The following COBL variants were observed in gnomAD, a reference collection of about 807,000 sequenced individuals.
COBL encodes cordon-bleu WH2 repeat protein.
In COBL, 51 loss-of-function variants were observed where a neutral mutation model predicts 98.8. The ratio of observed to expected loss-of-function variants is 0.52; its 90% CI spans 0.41 to 0.65. The LOEUF (loss-of-function observed/expected upper bound fraction) is 0.65, where lower values mean the gene tolerates loss of function less well. Ranked by LOEUF, COBL falls within the 30% of genes least tolerant of loss-of-function variation. COBL has a pLI of 0.00. For synonymous variants in COBL, 634 were observed against 651.7 expected (o/e 0.97, Z 0.41); for missense variants, 1,617 against 1,617.5 (o/e 1.00, Z 0.01).
At chr7:51,041,951 C>A (rs1403478527) in intron 8 of COBL, among the ~76,000 whole-genome samples, 10 of 152,144 alleles carry the variant, frequency 6.6e-5, no homozygotes, top group Admixed American at 3.9e-4. Flanking sequence ...TGGACAAATA[C>A]ACCAGTGCTA....
chr7:51,288,222 T>A (rs981656295), intron 1 of COBL, among the ~76,000 whole-genome samples: 13 of 151,492 alleles, frequency 8.6e-5, no homozygotes, highest in African/African-American at 3.2e-4. Flanking sequence ...TCACCTGAGT[T>A]CAGGAGTTCG....
intron 7 of COBL, among the ~76,000 whole-genome samples, chr7:51,070,425 A>ACACACACACACACAC (rs57774327): frequency 1.1e-4 from 17 of 151,844 alleles, no homozygotes; most frequent in South Asian, 2.1e-4. Flanking sequence ...ACACACACAC[A>ACACACACACACACAC]AAATTCCGAG....
At chr7:51,104,076 G>A (rs574052865) in intron 6 of COBL, among the ~76,000 whole-genome samples, 3 of 152,246 alleles carry the variant, frequency 2.0e-5, no homozygotes, top group African/African-American at 7.2e-5. Flanking sequence ...ATTCATTCTA[G>A]AAAGAGTTCC....
intron 7 of COBL, among the ~76,000 whole-genome samples, chr7:51,069,643 T>G (rs969027086): frequency 1.3e-5 from 2 of 152,260 alleles, no homozygotes; most frequent in Non-Finnish European, 2.9e-5. Context: ...GATGTGTGTG[T>G]GGGCTAGACA....
chr7:51,189,487 A>G (rs1388855103), intron 4 of COBL, among the ~76,000 whole-genome samples: 6 of 152,132 alleles, frequency 3.9e-5, no homozygotes, highest in Admixed American at 2.0e-4. Flanking sequence ...CACAAAAATT[A>G]GCCGGGCATG....
intron 1 of COBL, among the ~76,000 whole-genome samples, chr7:51,244,763 T>C (rs1796137399): frequency 6.6e-6 from 1 of 152,114 alleles, no homozygotes; most frequent in African/African-American, 2.4e-5. Flanking sequence ...CTCAGCCCCA[T>C]TATATCATTG....
chr7:51,169,357 C>T (rs1787635929), intron 5 of COBL, among the ~76,000 whole-genome samples: 1 of 152,152 alleles, frequency 6.6e-6, no homozygotes. Flanking sequence ...TGTATAAAAG[C>T]AAGCTGTACC....
intron 12 of COBL, chr7:51,021,107 G>C (rs994323609): frequency 2.0e-5 from 3 of 152,170 alleles, no homozygotes; most frequent in Non-Finnish European, 4.4e-5. Context: ...GCACTGCCTT[G>C]CTGGGAAAGC....
intron 5 of COBL, among the ~76,000 whole-genome samples, chr7:51,177,747 T>C (rs1255161556): frequency 6.6e-6 from 1 of 150,752 alleles, no homozygotes; most frequent in Non-Finnish European, 1.5e-5. Context: ...CACTCCAGTC[T>C]GGGCGACAGA....
In COBL at chr7:51,184,147, T is replaced by C. The variant is rs1789260715; in HGVS notation, c.738A>G (p.Lys246=). The C allele has an allele frequency of 6.4e-7, 1 of 1,570,858 alleles. No individual in the cohort carries two copies. The highest frequency in any genetic ancestry group is 8.7e-7 in the Non-Finnish European group (1 of 1,155,498). ...LGNDETDKEK[K]KFLGFFKVNK... ...TAACTTTGAAAAATCCCAGAAATTTTTTCTTCTCTTTATCTGTCTCATCAT... is the reference window on the plus strand; with the variant it reads ...TAACTTTGAAAAATCCCAGAAATTTCTTCTTCTCTTTATCTGTCTCATCAT... The change falls in exon 5 of 13, where the codon AAA becomes AAG. Residue 246 remains lysine (K), a synonymous_variant. Coordinates refer to ENST00000265136, the MANE Select transcript of COBL (RefSeq NM_015198.5).
chr7:51,073,518 TG>T, intron 7 of COBL: 1 of 463,994 alleles, frequency 2.2e-6, no homozygotes, highest in Non-Finnish European at 3.9e-6. Context: ...CAAAGCATAT[TG>T]TTATTGTTTT....
intron 5 of COBL, among the ~76,000 whole-genome samples, chr7:51,168,846 T>C (rs1787584472): frequency 6.6e-6 from 1 of 152,202 alleles, no homozygotes; most frequent in Non-Finnish European, 1.5e-5. Flanking sequence ...CTGTTCACAA[T>C]AGCTAAGACC....
intron 1 of COBL, among the ~76,000 whole-genome samples, chr7:51,288,578 C>A (rs926255646): frequency 3.3e-5 from 5 of 151,890 alleles, no homozygotes; most frequent in African/African-American, 9.7e-5. Flanking sequence ...CATGGTGAAA[C>A]CCTGTCTCTA....
intron 1 of COBL, among the ~76,000 whole-genome samples, chr7:51,229,806 T>C (rs1040378877): frequency 1.3e-5 from 2 of 152,278 alleles, no homozygotes; most frequent in African/African-American, 2.4e-5. Flanking sequence ...CTGCCAACCA[T>C]TGTCCCAGGA....
At chr7:51,206,495 A>T (rs1360507851) in intron 2 of COBL, among the ~76,000 whole-genome samples, 1 of 151,744 alleles carries the variant, frequency 6.6e-6, no homozygotes, top group Admixed American at 6.6e-5. Flanking sequence ...CTGTCTCAAA[A>T]AAAAAAAAAA....
intron 6 of COBL, among the ~76,000 whole-genome samples, chr7:51,085,571 G>T (rs1034030208): frequency 6.6e-6 from 1 of 152,160 alleles, no homozygotes; most frequent in South Asian, 2.1e-4. Flanking sequence ...TATGAGCAGG[G>T]AGCTCATATT....
chr7:51,278,136 C>T (rs554095245), intron 1 of COBL, among the ~76,000 whole-genome samples: 5 of 152,216 alleles, frequency 3.3e-5, no homozygotes, highest in South Asian at 2.1e-4. Context: ...AATACTAGAA[C>T]GCAATACCCG....
In COBL at chr7:51,316,578, C is replaced by A; in HGVS notation, c.41+15G>T. 8.3e-7 allele frequency: 1 copy of A among 1,208,900 alleles called. No homozygotes were observed. Among genetic ancestry groups the A allele is most frequent in the Non-Finnish European group, 1.0e-6 (1 of 973,112 alleles). 74.9% of individuals were successfully genotyped at this position (1,208,900 alleles called of 1,614,324 possible). A position where few individuals can be genotyped will look rare whatever the true frequency, so the allele number is the denominator to read the frequency against. On this transcript the variant is annotated intron_variant, in intron 1 of 12. Coordinates refer to ENST00000265136, the MANE Select transcript of COBL (RefSeq NM_015198.5). ...AAGCCCCCTCTCCACCCCGCCCGACCGCGGGGCCGCTTACCCGGTCGGGGG... is the reference window on the plus strand; with the variant it reads ...AAGCCCCCTCTCCACCCCGCCCGACAGCGGGGCCGCTTACCCGGTCGGGGG...
chr7:51,216,002 G>A lies in COBL; in HGVS notation c.245+3739C>T, dbSNP rs578195951. On this transcript the variant is annotated intron_variant, in intron 2 of 12. Coordinates refer to ENST00000265136, the MANE Select transcript of COBL (RefSeq NM_015198.5). ...TAAAGGGGATGCAATGGCCTGTAAAGGCAGAATCACAGGACTGAATATGAG... is the reference window on the plus strand; with the variant it reads ...TAAAGGGGATGCAATGGCCTGTAAAAGCAGAATCACAGGACTGAATATGAG... Among the ~76,000 whole-genome samples, 91 of 152,328 alleles carry A rather than the reference G, an allele frequency of 6.0e-4. 1 individual carries two copies. Among genetic ancestry groups the A allele is most frequent in the African/African-American group, 2.2e-3 (90 of 41,580 alleles).
Sources: gnomAD v4.1 joint callset for allele counts (sites outside exome capture counted in the v4.1 genomes callset) on GRCh38, gnomAD v4.1.1 for gene constraint, MANE v1.5 for transcripts, NCBI Gene and HGNC (gene_info 2026-07-23, HGNC 2026-07-21) for gene names.